INSYN2B: variants seen among roughly 807,000 people sequenced by gnomAD.
INSYN2B encodes the protein inhibitory synaptic factor family member 2B, also known as protein INSYN2B.
A neutral mutation model predicts 41.2 loss-of-function variants in INSYN2B; 16 were observed. That is an observed-to-expected ratio of 0.39 (90% CI 0.26 to 0.59). INSYN2B has a LOEUF of 0.59. Among genes scored for constraint, INSYN2B ranks in the 20% least tolerant of loss-of-function variants. INSYN2B has a pLI of 0.57. For synonymous variants in INSYN2B, 245 were observed against 244.4 expected (o/e 1.00, Z -0.02); for missense variants, 608 against 646.4 (o/e 0.94, Z 0.64).
rs764983434 is a variant in INSYN2B at position 169,883,076 on chromosome 5, T to G, written c.823A>C (p.Lys275Gln). The G allele has an allele frequency of 2.6e-6, 4 of 1,551,662 alleles. No homozygotes were observed. In the South Asian group the frequency reaches 4.8e-5, roughly 18 times the overall value. ...ASHTPGTEEL[K>Q]PELLLPKDNS... ...TCTTTGGGCAAAAGCAATTCAGGTT[T>G]AAGTTCCTCTGTGCCTGGTGTGTGG... Residue 275 changes from lysine (K) to glutamine (Q), a missense_variant, in exon 2 of 4, where the codon AAA (lysine) becomes CAA (glutamine). Physicochemically the swap from Lys to Gln is moderately conservative, Grantham distance 53. Coordinates refer to ENST00000377365, the MANE Select transcript of INSYN2B (RefSeq NM_001129891.3).
intron 3 of INSYN2B, among the ~76,000 whole-genome samples, chr5:169,866,523 C>T (rs958781403): frequency 5.9e-5 from 9 of 152,234 alleles, no homozygotes; most frequent in Non-Finnish European, 5.9e-5. Context: ...AGTCACTCGA[C>T]AAACATTTAT....
At chr5:169,890,491 T>G (rs1160188769) in intron 1 of INSYN2B, among the ~76,000 whole-genome samples, 1 of 152,190 alleles carries the variant, frequency 6.6e-6, no homozygotes, top group African/African-American at 2.4e-5. Flanking sequence ...TCTTTCCAAT[T>G]TGAAATTTGG....
intron 1 of INSYN2B, among the ~76,000 whole-genome samples, chr5:169,891,467 C>T (rs961096197): frequency 1.3e-5 from 2 of 152,152 alleles, no homozygotes; most frequent in African/African-American, 2.4e-5. Context: ...TCTTATTTAA[C>T]GATTTTCAAA....
chr5:169,924,615 T>C (rs1290850013), intron 1 of INSYN2B, among the ~76,000 whole-genome samples: 2 of 152,202 alleles, frequency 1.3e-5, no homozygotes, highest in Admixed American at 6.5e-5. Context: ...TGAAGTTCAT[T>C]TGAACAAACT....
chr5:169,929,762 A>AT (rs1775656604), intron 1 of INSYN2B, among the ~76,000 whole-genome samples: 1 of 144,082 alleles, frequency 6.9e-6, no homozygotes, highest in South Asian at 2.2e-4. Flanking sequence ...AAAAAAAAAA[A>AT]GAGAGAGAGA....
chr5:169,950,673 G>A (rs1217833815), intron 1 of INSYN2B, among the ~76,000 whole-genome samples: 1 of 152,210 alleles, frequency 6.6e-6, no homozygotes, highest in African/African-American at 2.4e-5. Flanking sequence ...TTTGTCCAAT[G>A]TTGTGTTCCT....
At chr5:169,926,924 G>T (rs375492940) in intron 1 of INSYN2B, among the ~76,000 whole-genome samples, 1 of 152,218 alleles carries the variant, frequency 6.6e-6, no homozygotes, top group Non-Finnish European at 1.5e-5. Context: ...ACAAGGAGCA[G>T]AATAGGGAAG....
chr5:169,918,282 C>T (rs947332280), intron 1 of INSYN2B, among the ~76,000 whole-genome samples: 1 of 152,200 alleles, frequency 6.6e-6, no homozygotes, highest in Non-Finnish European at 1.5e-5. Flanking sequence ...TACTATCTCT[C>T]AAAATGTTGT....
At chr5:169,967,399 G>A (rs79262510) in intron 1 of INSYN2B, among the ~76,000 whole-genome samples, 8,979 of 152,306 alleles carry the variant, frequency 0.059, 349 homozygotes, top group Middle Eastern at 0.1. Context: ...AACAGCATGT[G>A]GTCAGGCTGT....
chr5:169,873,171 C>T (rs1357179106), intron 3 of INSYN2B, among the ~76,000 whole-genome samples: 1 of 152,124 alleles, frequency 6.6e-6, no homozygotes, highest in East Asian at 1.9e-4. Flanking sequence ...AGATAAATTG[C>T]TGATGCTGTA....
intron 1 of INSYN2B, among the ~76,000 whole-genome samples, chr5:169,960,518 G>A (rs1006969863): frequency 6.6e-6 from 1 of 152,194 alleles, no homozygotes; most frequent in South Asian, 2.1e-4. Context: ...GAAAATTATT[G>A]ATTAGAAAGA....
At chr5:169,962,083 G>A (rs1401711527) in intron 1 of INSYN2B, among the ~76,000 whole-genome samples, 1 of 152,064 alleles carries the variant, frequency 6.6e-6, no homozygotes, top group Non-Finnish European at 1.5e-5. Context: ...CAGAGTGGTG[G>A]CTGATGAACC....
intron 1 of INSYN2B, among the ~76,000 whole-genome samples, chr5:169,949,751 G>T (rs1436180237): frequency 6.8e-6 from 1 of 147,000 alleles, no homozygotes; most frequent in Non-Finnish European, 1.5e-5. Context: ...ACACAGAGGT[G>T]TAGCATTTCA....
At chr5:169,931,352 C>T (rs769334287) in intron 1 of INSYN2B, among the ~76,000 whole-genome samples, 3 of 152,192 alleles carry the variant, frequency 2.0e-5, no homozygotes, top group Non-Finnish European at 2.9e-5. Context: ...CAAACACCAG[C>T]GTCTCTCAAA....
intron 1 of INSYN2B, among the ~76,000 whole-genome samples, chr5:169,898,905 A>G (rs1334115490): frequency 2.0e-5 from 3 of 152,244 alleles, no homozygotes; most frequent in Admixed American, 2.0e-4. Flanking sequence ...ATGAGCAACC[A>G]CAGAGACTAA....
chr5:169,958,585 C>CTTT (rs3079788), intron 1 of INSYN2B, among the ~76,000 whole-genome samples: 351 of 151,074 alleles, frequency 2.3e-3, no homozygotes, highest in African/African-American at 6.6e-3. Context: ...TCCTGGGTTT[C>CTTT]TTTTTTTTTG....
chr5:169,918,703 A>G (rs971381538), intron 1 of INSYN2B, among the ~76,000 whole-genome samples: 1 of 152,204 alleles, frequency 6.6e-6, no homozygotes, highest in Admixed American at 6.5e-5. Flanking sequence ...ACCTGAGTTC[A>G]GGGGTTTGAG....
rs1379284351 is a variant in INSYN2B at position 169,929,524 on chromosome 5, C to T, written c.-918-44708G>A. On this transcript the variant is annotated intron_variant, in intron 1 of 3. Transcript: ENST00000377365. ...GGCTGAGGGGGGAGGATTGCTTGAG[C>T]CCAGTAGTTTGAAAACAGCCTGGGC... Among the ~76,000 whole-genome samples, 4 of 151,982 alleles carry T rather than the reference C, an allele frequency of 2.6e-5. No homozygotes were observed. In the East Asian group the frequency reaches 7.7e-4, roughly 29 times the overall value.
chr5:169,941,576 G>A (rs1454448040), intron 1 of INSYN2B, among the ~76,000 whole-genome samples: 1 of 152,204 alleles, frequency 6.6e-6, no homozygotes, highest in Non-Finnish European at 1.5e-5. Flanking sequence ...GTGATGGAAA[G>A]AAGAACCAAA....
Sources: gnomAD v4.1 joint callset for allele counts (sites outside exome capture counted in the v4.1 genomes callset) on GRCh38, gnomAD v4.1.1 for gene constraint, MANE v1.5 for transcripts, NCBI Gene and HGNC (gene_info 2026-07-23, HGNC 2026-07-21) for gene names.